The following SUPT3H variants were observed in gnomAD, a reference collection of about 807,000 sequenced individuals.
SUPT3H encodes transcription initiation protein SPT3 homolog.
In SUPT3H, 44 loss-of-function variants were observed where a neutral mutation model predicts 44.3. The ratio of observed to expected loss-of-function variants is 0.99; its 90% CI spans 0.78 to 1.28. The LOEUF is 1.28. Ranked by LOEUF, SUPT3H falls within the 50% of genes most tolerant of loss-of-function variation. SUPT3H has a pLI of 0.00. For missense variants in SUPT3H, 380 were observed against 387.1 expected (o/e 0.98, Z 0.15); for synonymous variants, 124 against 125.6 (o/e 0.99, Z 0.09).
At position 45,360,026 on chromosome 6, in the gene SUPT3H, T is replaced by C. The variant is rs545184426; in HGVS notation, c.101+5175A>G. Among the ~76,000 whole-genome samples, 7 of 152,374 alleles carry C rather than the reference T, an allele frequency of 4.6e-5. No individual in the cohort carries two copies. The East Asian group carries it at 5.8e-4, about 13-fold the overall frequency. On this transcript the variant is annotated intron_variant, in intron 2 of 10. Coordinates refer to ENST00000371459, the MANE Select transcript of SUPT3H (RefSeq NM_003599.4). ...TTAGCTTTCACATTTTATTTCATTA[T>C]AGCACAGTAGTCACACATAAACTGT...
intron 2 of SUPT3H, among the ~76,000 whole-genome samples, chr6:45,345,097 T>G (rs896525280): frequency 6.6e-6 from 1 of 152,176 alleles, no homozygotes; most frequent in Admixed American, 6.6e-5. Context: ...TCATCTGCGC[T>G]GCCTCACATG....
chr6:45,178,515 C>A lies in SUPT3H; in HGVS notation c.102-72509G>T, dbSNP rs572700685. Among the ~76,000 whole-genome samples the A allele has an allele frequency of 3.1e-3, 475 of 151,846 alleles. 4 individuals are homozygous for A. Among genetic ancestry groups the A allele is most frequent in the African/African-American group, 9.6e-3 (398 of 41,338 alleles). On this transcript the variant is annotated intron_variant, in intron 2 of 10. Coordinates refer to ENST00000371459, the MANE Select transcript of SUPT3H (RefSeq NM_003599.4). ...ACATTAGACAGATCAACGAGACAGA[C>A]AGTCAACAAGGATACCCAGGAATTG...
At chr6:45,256,816 A>T (rs775126603) in intron 2 of SUPT3H, among the ~76,000 whole-genome samples, 5 of 152,184 alleles carry the variant, frequency 3.3e-5, no homozygotes, top group African/African-American at 9.7e-5. Flanking sequence ...GATATACCAC[A>T]TTTTGCTTAT....
At chr6:44,810,542 A>G (rs1257740942) in intron 11 of SUPT3H, among the ~76,000 whole-genome samples, 1 of 152,068 alleles carries the variant, frequency 6.6e-6, no homozygotes, top group East Asian at 1.9e-4. Context: ...ACTCAGAGAA[A>G]AGAGGAAAAA....
chr6:44,811,732 A>G (rs1312255631), intron 11 of SUPT3H, among the ~76,000 whole-genome samples: 3 of 152,244 alleles, frequency 2.0e-5, no homozygotes, highest in African/African-American at 7.2e-5. Context: ...CCAGACACTC[A>G]GTGGTGGGCC....
chr6:44,980,874 T>C (rs908446909), intron 6 of SUPT3H, among the ~76,000 whole-genome samples: 3 of 152,196 alleles, frequency 2.0e-5, no homozygotes, highest in Non-Finnish European at 2.9e-5. Context: ...CAAATAACCA[T>C]GTCTAATAAC....
chr6:44,825,090 G>A (rs1287485752), downstream of SUPT3H, among the ~76,000 whole-genome samples: 1 of 152,198 alleles, frequency 6.6e-6, no homozygotes, highest in East Asian at 1.9e-4. Context: ...TGTAAACAGA[G>A]CCTTCTGGGG....
chr6:44,898,165 G>C (rs1481221871), intron 10 of SUPT3H, among the ~76,000 whole-genome samples: 1 of 152,314 alleles, frequency 6.6e-6, no homozygotes, highest in South Asian at 2.1e-4. Flanking sequence ...TTATCCTAAA[G>C]ATTATATCCT....
intron 6 of SUPT3H, among the ~76,000 whole-genome samples, chr6:44,991,484 T>A (rs1358691075): frequency 6.7e-6 from 1 of 149,638 alleles, no homozygotes; most frequent in Non-Finnish European, 1.5e-5. Flanking sequence ...AATCACTAAA[T>A]ATTTATGGCT....
At chr6:45,345,493 G>GCTC (rs1198011807) in intron 2 of SUPT3H, among the ~76,000 whole-genome samples, 3 of 151,914 alleles carry the variant, frequency 2.0e-5, no homozygotes, top group Non-Finnish European at 2.9e-5. Flanking sequence ...ATAAACCAAC[G>GCTC]CTCAAACCTG....
At chr6:45,190,935 A>C (rs911987140) in intron 2 of SUPT3H, among the ~76,000 whole-genome samples, 2 of 152,134 alleles carry the variant, frequency 1.3e-5, no homozygotes, top group Non-Finnish European at 2.9e-5. Context: ...AAAGGTGTGG[A>C]GCAACAGGAA....
chr6:45,134,515 G>A (rs1803974707), intron 2 of SUPT3H, among the ~76,000 whole-genome samples: 1 of 152,108 alleles, frequency 6.6e-6, no homozygotes, highest in African/African-American at 2.4e-5. Context: ...AAAGTCCAAA[G>A]CCTCATCTCA....
chr6:44,852,889 T>C (rs940108299), intron 10 of SUPT3H, among the ~76,000 whole-genome samples: 5 of 152,236 alleles, frequency 3.3e-5, no homozygotes, highest in African/African-American at 1.2e-4. Flanking sequence ...TAGCTAACTA[T>C]GCAGCAATTT....
intron 2 of SUPT3H, among the ~76,000 whole-genome samples, chr6:45,260,913 T>A (rs1276013896): frequency 6.6e-6 from 1 of 152,044 alleles, no homozygotes; most frequent in Non-Finnish European, 1.5e-5. Flanking sequence ...CTGCGTCAGG[T>A]GTCCTGGTCC....
At chr6:45,169,100 C>T (rs1810380493) in intron 2 of SUPT3H, among the ~76,000 whole-genome samples, 1 of 152,166 alleles carries the variant, frequency 6.6e-6, no homozygotes, top group African/African-American at 2.4e-5. Flanking sequence ...TTAGAGTCCA[C>T]ATATTCTTCT....
chr6:44,902,032 A>G (rs1328525798), intron 10 of SUPT3H, among the ~76,000 whole-genome samples: 18 of 152,148 alleles, frequency 1.2e-4, no homozygotes, highest in Non-Finnish European at 2.4e-4. Flanking sequence ...AGCACTAAAC[A>G]TGGAAAGGAA....
chr6:44,839,081 G>A (rs1770461513), intron 10 of SUPT3H, among the ~76,000 whole-genome samples: 1 of 152,102 alleles, frequency 6.6e-6, no homozygotes, highest in Non-Finnish European at 1.5e-5. Context: ...GAGTTGTGGA[G>A]CCATCCCAAG....
chr6:45,142,953 A>C (rs910488428), intron 2 of SUPT3H, among the ~76,000 whole-genome samples: 2 of 152,034 alleles, frequency 1.3e-5, no homozygotes, highest in African/African-American at 2.4e-5. Flanking sequence ...GACAATTAAA[A>C]AAAAAGACAA....
At chr6:45,108,095 C>T (rs897131844) in intron 2 of SUPT3H, among the ~76,000 whole-genome samples, 1 of 152,164 alleles carries the variant, frequency 6.6e-6, no homozygotes, top group African/African-American at 2.4e-5. Flanking sequence ...AACTTTTCCC[C>T]TAAGATAAGC....
Sources: gnomAD v4.1 joint callset for allele counts (sites outside exome capture counted in the v4.1 genomes callset) on GRCh38, gnomAD v4.1.1 for gene constraint, MANE v1.5 for transcripts, NCBI Gene and HGNC (gene_info 2026-07-23, HGNC 2026-07-21) for gene names.